PPBP: variants seen among roughly 807,000 people sequenced by gnomAD.
PPBP encodes pro-platelet basic protein, also known as platelet basic protein.
A neutral mutation model predicts 8.3 loss-of-function variants in PPBP; 8 were observed. That is an observed-to-expected ratio of 0.97 (90% confidence interval 0.57 to 1.75). The LOEUF is 1.75. PPBP is among the 40% of genes most tolerant of loss of function. The pLI is 0.00. For synonymous variants in PPBP, 64 were observed against 58.9 expected (o/e 1.09, Z -0.40); for missense variants, 169 against 149.2 (o/e 1.13, Z -0.69).
At position 73,987,986 on chromosome 4, in the gene PPBP, G is replaced by T; in HGVS notation, c.118C>A (p.Gln40Lys). The T allele has an allele frequency of 6.2e-7, 1 of 1,614,122 alleles. No homozygotes were observed. Among genetic ancestry groups the T allele is most frequent in the South Asian group, 1.1e-5 (1 of 91,086 alleles). ...CCTTTCGCCAAGTTTCTCTTAGTTT[G>T]TCCTTTGGTGGAGGAAGCCAGAGCA... Reference protein sequence around the residue: ...LTALASSTKGQTKRNLAKGKE... With the variant: ...LTALASSTKGKTKRNLAKGKE... The change falls in exon 1 of 3, where the codon CAA (glutamine) becomes AAA (lysine). Residue 40 changes from glutamine (Q) to lysine (K), a missense_variant. Physicochemically the swap from Gln to Lys is moderately conservative, Grantham distance 53. Coordinates refer to ENST00000296028, the MANE Select transcript of PPBP (RefSeq NM_002704.3).
Position 73,987,285 on chromosome 4 carries a change from T to G in PPBP, c.374A>C (p.Glu125Ala). ...KIVQKKLAGDESAD is the reference protein window; with the variant it reads ...KIVQKKLAGDASAD ...AAACAGAACAAATTAATCAGCAGAT[T>G]CATCACCTGCCAATTTTTTCTGTAC... is the stretch of plus-strand genomic sequence containing the variant. The change falls in exon 3 of 3, where the codon GAA becomes GCA. Residue 125 changes from glutamate (E) to alanine (A), a missense_variant. By Grantham distance (107) the Glu-to-Ala change is moderately radical. Coordinates refer to ENST00000296028, the MANE Select transcript of PPBP (RefSeq NM_002704.3). 6.2e-7 allele frequency: 1 copy of G among 1,610,178 alleles called. No homozygotes were observed. Among genetic ancestry groups the G allele is most frequent in the South Asian group, 1.1e-5 (1 of 90,960 alleles).
Position 73,988,123 on chromosome 4 carries a change from G to C in PPBP, c.-20C>G, listed in dbSNP as rs760833832. On this transcript the variant is annotated 5_prime_UTR_variant, in exon 1 of 3. Coordinates refer to ENST00000296028, the MANE Select transcript of PPBP (RefSeq NM_002704.3). ...GCTCATGGTGGAGAAGGCTGAGCTA[G>C]AGTTGTTTCCAGAACCAGAAGACCT... 6.2e-7 allele frequency: 1 copy of C among 1,613,800 alleles called. No homozygotes were observed. The highest frequency in any genetic ancestry group is 1.1e-5 in the South Asian group (1 of 91,054).
chr4:73,987,196 G>GT lies in PPBP; in HGVS notation c.*75_*76insA. 1.6e-6 allele frequency: 2 copies of GT among 1,281,764 alleles called. No individual in the cohort carries two copies. Among genetic ancestry groups the GT allele is most frequent in the Non-Finnish European group, 2.3e-6 (2 of 888,812 alleles). The allele number at this position is 1,281,764 out of a possible 1,614,324, so 79.4% of individuals were successfully genotyped here. On this transcript the variant is annotated 3_prime_UTR_variant, in exon 3 of 3. Coordinates refer to ENST00000296028, the MANE Select transcript of PPBP (RefSeq NM_002704.3). Reference sequence around the variant, plus strand: ...GTAAGAATAGGTATCCTGAATAAATGAGAACTCTAGAAAATCAAGGTTTCA... The same window carrying GT: ...GTAAGAATAGGTATCCTGAATAAATGTAGAACTCTAGAAAATCAAGGTTTCA...
Position 73,987,265 on chromosome 4 carries a change from G to A in PPBP, c.*7C>T. 1 of 1,597,736 alleles carries A rather than the reference G, an allele frequency of 6.3e-7. No individual in the cohort carries two copies. The highest frequency in any genetic ancestry group is 8.6e-7 in the Non-Finnish European group (1 of 1,165,602). ...GAGTTAAAGAAGTTTGGCAGAAACA[G>A]AACAAATTAATCAGCAGATTCATCA... On this transcript the variant is annotated 3_prime_UTR_variant, in exon 3 of 3. Transcript: ENST00000296028.
chr4:73,987,038 T>A lies in PPBP; in HGVS notation c.*234A>T. Reference sequence around the variant, plus strand: ...AAAAAATGCAAAGTACAGTCCAATGTTTAGGCAAGAATTAGAGGGTTGAAA... The same window carrying A: ...AAAAAATGCAAAGTACAGTCCAATGATTAGGCAAGAATTAGAGGGTTGAAA... On this transcript the variant is annotated 3_prime_UTR_variant, in exon 3 of 3. Transcript: ENST00000296028. 1.9e-6 allele frequency: 1 copy of A among 530,196 alleles called. No individual in the cohort carries two copies. The allele number at this position is 530,196 out of a possible 1,614,324, so 32.8% of individuals were successfully genotyped here.
rs756418685 is a variant in PPBP, at chr4:73,987,251, G to A, written c.*21C>T. On this transcript the variant is annotated 3_prime_UTR_variant, in exon 3 of 3. Coordinates refer to ENST00000296028, the MANE Select transcript of PPBP (RefSeq NM_002704.3). ...TCTACCCTTCCTGGGAGTTAAAGAA[G>A]TTTGGCAGAAACAGAACAAATTAAT... 1.9e-5 allele frequency: 30 copies of A among 1,571,520 alleles called. No individual in the cohort carries two copies. In the Admixed American group the frequency reaches 4.7e-4, roughly 25 times the overall value.
At chr4:73,987,694 T>C (rs1405536616) in intron 1 of PPBP, 42 bp from the exon 2 acceptor site, 1 of 1,594,772 alleles carries the variant, frequency 6.3e-7, no homozygotes, top group East Asian at 2.3e-5. Flanking sequence ...ATGAATATTT[T>C]CCTCAGGTCT....
intron 1 of PPBP, 93 bp downstream of exon 1, chr4:73,987,863 G>A: frequency 1.3e-6 from 2 of 1,557,794 alleles, no homozygotes; most frequent in Non-Finnish European, 8.8e-7. Context: ...TGGTATAATG[G>A]CCCTCTCCAG....
In PPBP at chr4:73,987,110, C is replaced by T; in HGVS notation, c.*162G>A. The T allele has an allele frequency of 3.0e-6, 2 of 672,540 alleles. No individual in the cohort carries two copies. Among genetic ancestry groups the T allele is most frequent in the Non-Finnish European group, 5.0e-6 (2 of 399,124 alleles). The allele number at this position is 672,540 out of a possible 1,614,324, so 41.7% of individuals were successfully genotyped here. A position where few individuals can be genotyped will look rare whatever the true frequency, so the allele number is the denominator to read the frequency against. On this transcript the variant is annotated 3_prime_UTR_variant, in exon 3 of 3. Coordinates refer to ENST00000296028, the MANE Select transcript of PPBP (RefSeq NM_002704.3). ...TTCTTTCTGCCATCTTTTAACCAAC[C>T]TTCTCAGAATAAAATGTGATTTTTG...
In PPBP at chr4:73,987,650, C is replaced by G. The variant is rs764086855; in HGVS notation, c.151G>C (p.Glu51Gln). 4.4e-6 allele frequency: 7 copies of G among 1,607,578 alleles called. No individual in the cohort carries two copies. In the South Asian group the frequency reaches 7.7e-5, roughly 18 times the overall value. The change falls in exon 2 of 3, where the codon GAA (glutamate) becomes CAA (glutamine). Residue 51 changes from glutamate to glutamine, a missense_variant and splice_region_variant. By Grantham distance (29) the Glu-to-Gln change is conservative. Transcript: ENST00000296028. ...GCATACAAGTCACTGTCTAGACTTT[C>G]CTCTAGGGTAGAAAATGTGACCTAT... The part of the protein sequence containing the change: ...TKRNLAKGKE[E>Q]SLDSDLYAEL...
rs765295005 is a variant in PPBP, at chr4:73,987,568, T to C, written c.233A>G (p.Gln78Arg). The change falls in exon 2 of 3, where the codon CAA (glutamine) becomes CGA (arginine). Residue 78 changes from glutamine to arginine, a missense_variant. Physicochemically the swap from Gln to Arg is conservative, Grantham distance 43 (BLOSUM62 1). Coordinates refer to ENST00000296028, the MANE Select transcript of PPBP (RefSeq NM_002704.3). ...TCCTTTCCCGATCACTTCCAAACTT[T>C]GGATGTTTTTGGGATGAATTCCAGA... ...TTSGIHPKNI[Q>R]SLEVIGKGTH... The C allele has an allele frequency of 1.2e-6, 2 of 1,614,150 alleles. No homozygotes were observed. The highest frequency in any genetic ancestry group is 1.1e-5 in the South Asian group (1 of 91,084).
In PPBP at chr4:73,986,485, G is replaced by C. The variant is rs568996030; in HGVS notation, c.*787C>G. Among the ~76,000 whole-genome samples, 1 of 152,266 alleles carries C rather than the reference G, an allele frequency of 6.6e-6. No homozygotes were observed. The highest frequency in any genetic ancestry group is 2.1e-4 in the South Asian group (1 of 4,828). On this transcript the variant is annotated 3_prime_UTR_variant, in exon 3 of 3. Transcript: ENST00000296028. ...ATGTGAATATTTTTGTAAGAATAGT[G>C]TGGGTATAAGTTTTAGGGTTTAAAA...
At chr4:73,987,847 A>G (rs933826724) in intron 1 of PPBP, 109 bp downstream of exon 1, 1 of 1,517,906 alleles carries the variant, frequency 6.6e-7, no homozygotes, top group African/African-American at 1.4e-5. Context: ...CTCCAATTGG[A>G]GTTATTGGTA....
In PPBP at chr4:73,987,534, G is replaced by A. The variant is rs1278934174; in HGVS notation, c.267C>T (p.Cys89=). 1.2e-6 allele frequency: 2 copies of A among 1,613,944 alleles called. No individual in the cohort carries two copies. Among genetic ancestry groups the A allele is most frequent in the East Asian group, 4.5e-5 (2 of 44,866 alleles). ...SLEVIGKGTH[C]NQVEVIATLK... ...CAACTTACATCACTTCGACTTGGTT[G>A]CAATGGGTTCCTTTCCCGATCACTT... The change falls in exon 2 of 3, where the codon TGC becomes TGT. Residue 89 remains cysteine (C), a synonymous_variant. Coordinates refer to ENST00000296028, the MANE Select transcript of PPBP (RefSeq NM_002704.3).
At position 73,987,036 on chromosome 4, in the gene PPBP, T is replaced by C; in HGVS notation, c.*236A>G. On this transcript the variant is annotated 3_prime_UTR_variant, in exon 3 of 3. Coordinates refer to ENST00000296028, the MANE Select transcript of PPBP (RefSeq NM_002704.3). Reference sequence around the variant, plus strand: ...GAAAAAAATGCAAAGTACAGTCCAATGTTTAGGCAAGAATTAGAGGGTTGA... The same window carrying C: ...GAAAAAAATGCAAAGTACAGTCCAACGTTTAGGCAAGAATTAGAGGGTTGA... 1 of 524,186 alleles carries C rather than the reference T, an allele frequency of 1.9e-6. No homozygotes were observed. The highest frequency in any genetic ancestry group is 3.4e-6 in the Non-Finnish European group (1 of 297,722). The allele number at this position is 524,186 out of a possible 1,614,324, so 32.5% of individuals were successfully genotyped here. A position where few individuals can be genotyped will look rare whatever the true frequency, so the allele number is the denominator to read the frequency against.
In PPBP at chr4:73,986,453, T is replaced by A. The variant is rs925847447; in HGVS notation, c.*819A>T. On this transcript the variant is annotated 3_prime_UTR_variant, in exon 3 of 3. Coordinates refer to ENST00000296028, the MANE Select transcript of PPBP (RefSeq NM_002704.3). ...ATGACAACAAGTCAATAGCAAATTTTTATTTCATGTGAATATTTTTGTAAG... is the reference window on the plus strand; with the variant it reads ...ATGACAACAAGTCAATAGCAAATTTATATTTCATGTGAATATTTTTGTAAG... Among the ~76,000 whole-genome samples, 5 of 152,188 alleles carry A rather than the reference T, an allele frequency of 3.3e-5. No individual in the cohort carries two copies. Among genetic ancestry groups the A allele is most frequent in the Non-Finnish European group, 7.4e-5 (5 of 68,014 alleles).
chr4:73,987,442 G>A, intron 2 of PPBP, 68 bp from the exon 3 acceptor site: 1 of 1,607,380 alleles, frequency 6.2e-7, no homozygotes. Flanking sequence ...CATGAGACTG[G>A]AGGAAACGAG....
In PPBP at chr4:73,986,749, T is replaced by C. The variant is rs1440119032; in HGVS notation, c.*523A>G. On this transcript the variant is annotated 3_prime_UTR_variant, in exon 3 of 3. Coordinates refer to ENST00000296028, the MANE Select transcript of PPBP (RefSeq NM_002704.3). ...ATTCACCAATTTATTATTTTAGTGT[T>C]TGATGGCTAAAATAAACATCAGAAT... Among the ~76,000 whole-genome samples the C allele has an allele frequency of 6.6e-6, 1 of 152,204 alleles. No individual in the cohort carries two copies. The highest frequency in any genetic ancestry group is 1.5e-5 in the Non-Finnish European group (1 of 68,020).
Position 73,987,561 on chromosome 4 carries a change from C to T in PPBP, c.240G>A (p.Leu80=). ...AATGGGTTCCTTTCCCGATCACTTC[C>T]AAACTTTGGATGTTTTTGGGATGAA... is the stretch of plus-strand genomic sequence containing the variant. ...SGIHPKNIQS[L]EVIGKGTHCN... Residue 80 remains leucine, a synonymous_variant, in exon 2 of 3, where the codon TTG becomes TTA. Coordinates refer to ENST00000296028, the MANE Select transcript of PPBP (RefSeq NM_002704.3). 1 of 1,614,146 alleles carries T rather than the reference C, an allele frequency of 6.2e-7. No homozygotes were observed. Among genetic ancestry groups the T allele is most frequent in the Non-Finnish European group, 8.5e-7 (1 of 1,180,014 alleles).
Sources: allele counts gnomAD v4.1 joint callset (sites outside exome capture counted in the v4.1 genomes callset), GRCh38; gene constraint gnomAD v4.1.1; transcripts MANE v1.5; gene names NCBI Gene and HGNC (gene_info 2026-07-23, HGNC 2026-07-21).